Variants in CADM1 observed in about 807,000 individuals in gnomAD.
CADM1 encodes the protein cell adhesion molecule 1.
In CADM1, 15 loss-of-function variants were observed where a neutral mutation model predicts 53.1. That is an observed-to-expected ratio of 0.28 (90% CI 0.19 to 0.44). The LOEUF (loss-of-function observed/expected upper bound fraction) is 0.44, where lower values mean the gene tolerates loss of function less well. Ranked by LOEUF, CADM1 falls within the 20% of genes least tolerant of loss-of-function variation. The pLI is 1.00. For synonymous variants in CADM1, 281 were observed against 243.0 expected, an observed-to-expected ratio of 1.16 and a Z score of -1.45; for missense variants, 434 against 611.3, an observed-to-expected ratio of 0.71 and a Z score of 3.06.
chr11:115,330,439 T>C (rs988327820), intron 1 of CADM1, among the ~76,000 whole-genome samples: 1 of 152,204 alleles, frequency 6.6e-6, no homozygotes, highest in South Asian at 2.1e-4. Flanking sequence ...TATTCATCTA[T>C]AATGTGTGAT....
intron 1 of CADM1, among the ~76,000 whole-genome samples, chr11:115,489,891 G>T (rs1282776651): frequency 6.6e-6 from 1 of 152,152 alleles, no homozygotes; most frequent in Non-Finnish European, 1.5e-5. Flanking sequence ...GGTGCTTAAG[G>T]TAGAGGAGGT....
intron 1 of CADM1, among the ~76,000 whole-genome samples, chr11:115,352,235 C>T (rs939447027): frequency 4.6e-5 from 7 of 152,194 alleles, no homozygotes; most frequent in East Asian, 1.9e-4. Context: ...AAAATTGTGA[C>T]GGAAAGTCTG....
At chr11:115,198,331 A>C in intron 9 of CADM1, 75 bp downstream of exon 9, 2 of 1,116,022 alleles carry the variant, frequency 1.8e-6, no homozygotes, top group Non-Finnish European at 2.6e-6. Context: ...TGAAGACTAC[A>C]TTTCTCTTTT....
intron 1 of CADM1, among the ~76,000 whole-genome samples, chr11:115,380,684 T>TA: frequency 6.6e-6 from 1 of 152,242 alleles, no homozygotes; most frequent in Admixed American, 6.5e-5. Context: ...TTTTTAGTAA[T>TA]AGCTAAAGAG....
In CADM1 at chr11:115,189,135, G is replaced by C. The variant is rs564111743; in HGVS notation, c.1165+1753C>G. On this transcript the variant is annotated intron_variant, in intron 10 of 11. Transcript: ENST00000331581. Reference sequence around the variant, plus strand: ...AGTGTTCCTGCAGGGAGTGGGGGAGGGGGACAACATAATTATTAATTTAAC... The same window carrying C: ...AGTGTTCCTGCAGGGAGTGGGGGAGCGGGACAACATAATTATTAATTTAAC... Among the ~76,000 whole-genome samples, 11 of 152,234 alleles carry C rather than the reference G, an allele frequency of 7.2e-5. No individual in the cohort carries two copies. The South Asian group carries it at 2.3e-3, about 32-fold the overall frequency.
intron 1 of CADM1, among the ~76,000 whole-genome samples, chr11:115,329,834 G>A (rs767121875): frequency 1.3e-5 from 2 of 151,608 alleles, no homozygotes; most frequent in Non-Finnish European, 2.9e-5. Flanking sequence ...AGATGGAGCG[G>A]GAAGATGATC....
rs1372364782 is a variant in CADM1 at position 115,173,263 on chromosome 11, G to A, written c.*3211C>T. The A allele has an allele frequency of 2.0e-5, 3 of 152,342 alleles. No individual in the cohort carries two copies. The highest frequency in any genetic ancestry group is 1.9e-4 in the East Asian group (1 of 5,202). 9.4% of individuals were successfully genotyped at this position (152,342 alleles called of 1,614,324 possible). ...CAGGGAAGTTGGTGAGGGTGGGGGG[G>A]CGGTGAGAGAGGGGATGAGTGCGGA... On this transcript the variant is annotated 3_prime_UTR_variant, in exon 12 of 12. Coordinates refer to ENST00000331581, the MANE Select transcript of CADM1 (RefSeq NM_001301043.2).
intron 1 of CADM1, among the ~76,000 whole-genome samples, chr11:115,303,734 C>T (rs1040109572): frequency 6.6e-5 from 10 of 152,042 alleles, no homozygotes; most frequent in Non-Finnish European, 1.3e-4. Context: ...CTCCCCACAA[C>T]CCTGTGCCCT....
intron 1 of CADM1, among the ~76,000 whole-genome samples, chr11:115,417,225 T>A (rs1358293365): frequency 6.6e-6 from 1 of 152,228 alleles, no homozygotes; most frequent in African/African-American, 2.4e-5. Context: ...AGTCAATTCC[T>A]GCAAAGTTAA....
At chr11:115,226,122 G>C (rs1941597456) in intron 5 of CADM1, among the ~76,000 whole-genome samples, 1 of 151,486 alleles carries the variant, frequency 6.6e-6, no homozygotes, top group Non-Finnish European at 1.5e-5. Flanking sequence ...AGGTGACAAA[G>C]GAAAGGACAT....
chr11:115,312,629 T>A lies in CADM1; in HGVS notation c.125-72209A>T, dbSNP rs575493859. 2.4e-4 allele frequency among the ~76,000 whole-genome samples: 37 copies of A among 152,282 alleles called. No individual in the cohort carries two copies. The South Asian group carries it at 7.3e-3, about 30-fold the overall frequency. ...TAAAACAAAGAGCTTAGAACACACT[T>A]GATTGATTTCTTGTCCCCACCTTAC... On this transcript the variant is annotated intron_variant, in intron 1 of 11. Transcript: ENST00000331581.
At chr11:115,293,941 T>C (rs757173176) in intron 1 of CADM1, among the ~76,000 whole-genome samples, 2 of 152,168 alleles carry the variant, frequency 1.3e-5, no homozygotes, top group Non-Finnish European at 2.9e-5. Flanking sequence ...AGGGTTCAGA[T>C]TCTGTGATTT....
chr11:115,490,848 T>A (rs184620414), intron 1 of CADM1, among the ~76,000 whole-genome samples: 60 of 152,332 alleles, frequency 3.9e-4, no homozygotes, highest in Admixed American at 2.9e-3. Context: ...CCTATTACTG[T>A]CCTCTCCTCT....
At chr11:115,211,316 C>T (rs564398097) in intron 7 of CADM1, among the ~76,000 whole-genome samples, 8 of 152,122 alleles carry the variant, frequency 5.3e-5, no homozygotes, top group Non-Finnish European at 1.2e-4. Context: ...ACGTCCCGCT[C>T]CCTCCACTAC....
intron 1 of CADM1, among the ~76,000 whole-genome samples, chr11:115,257,157 AAAAAAG>A (rs769234377): frequency 9.9e-5 from 15 of 152,182 alleles, no homozygotes; most frequent in Admixed American, 2.6e-4. Context: ...TTTTCTTTTT[AAAAAAG>A]TTTTTTTTTA....
intron 1 of CADM1, among the ~76,000 whole-genome samples, chr11:115,447,177 G>A (rs1306964101): frequency 1.3e-5 from 2 of 152,124 alleles, no homozygotes; most frequent in African/African-American, 4.8e-5. Context: ...AGAACATATG[G>A]CACAACTGCC....
At chr11:115,221,989 C>T (rs188898903) in intron 5 of CADM1, among the ~76,000 whole-genome samples, 10 of 152,120 alleles carry the variant, frequency 6.6e-5, no homozygotes, top group African/African-American at 2.2e-4. Flanking sequence ...GGCTTGAGTG[C>T]AAATCTGTTT....
At position 115,240,588 on chromosome 11, in the gene CADM1, C is replaced by T. The variant is rs564922449; in HGVS notation, c.125-168G>A. Among the ~76,000 whole-genome samples the T allele has an allele frequency of 7.2e-5, 11 of 152,230 alleles. No individual in the cohort carries two copies. The Middle Eastern group carries it at 0.01, about 141-fold the overall frequency. On this transcript the variant is annotated intron_variant, in intron 1 of 11. Transcript: ENST00000331581. ...TAGTCTACAAAACGAGTCTGTTAAT[C>T]GAAGACAGATCAAGGGACAAAATAC... is the stretch of plus-strand genomic sequence containing the variant.
At chr11:115,295,506 T>TTATATATATATA (rs71066412) in intron 1 of CADM1, among the ~76,000 whole-genome samples, 6 of 55,030 alleles carry the variant, frequency 1.1e-4, no homozygotes, top group Non-Finnish European at 1.5e-4. Context: ...TCAAGATATT[T>TTATATATATATA]TATATATATA....
Sources: allele counts gnomAD v4.1 joint callset (sites outside exome capture counted in the v4.1 genomes callset), GRCh38; gene constraint gnomAD v4.1.1; transcripts MANE v1.5; gene names NCBI Gene and HGNC (gene_info 2026-07-23, HGNC 2026-07-21).